The following CSNK1E variants were observed in gnomAD, a reference collection of about 807,000 sequenced individuals.
The protein encoded by CSNK1E is casein kinase I isoform epsilon.
A neutral mutation model predicts 46.1 loss-of-function variants in CSNK1E; 17 were observed. The observed-to-expected ratio is 0.37, with a 90% CI of 0.25 to 0.55. The LOEUF is 0.55. CSNK1E is among the 20% of genes least tolerant of loss of function. The probability of loss-of-function intolerance (pLI) is 0.82; values close to 1 mark genes in which losing one functional copy is unlikely to be tolerated. For missense variants in CSNK1E, 386 were observed against 595.4 expected, an observed-to-expected ratio of 0.65 and a Z score of 3.66; for synonymous variants, 241 against 242.6, an observed-to-expected ratio of 0.99 and a Z score of 0.06.
At chr22:38,315,917 C>G (rs1397136687) in intron 1 of CSNK1E, among the ~76,000 whole-genome samples, 1 of 152,066 alleles carries the variant, frequency 6.6e-6, no homozygotes, top group East Asian at 1.9e-4. Context: ...CCTTCAGGAC[C>G]CCCTGACTGC....
Position 38,291,174 on chromosome 22 carries a change from TA to T in CSNK1E, c.*796del, listed in dbSNP as rs981293816. The T allele has an allele frequency of 8.5e-4, 130 of 152,302 alleles. No individual in the cohort carries two copies. The highest frequency in any genetic ancestry group is 3.1e-3 in the African/African-American group (128 of 41,582). The allele number at this position is 152,302 out of a possible 1,614,324, so 9.4% of individuals were successfully genotyped here. A position where few individuals can be genotyped will look rare whatever the true frequency, so the allele number is the denominator to read the frequency against. On this transcript the variant is annotated 3_prime_UTR_variant, in exon 11 of 11. Coordinates refer to ENST00000396832, the MANE Select transcript of CSNK1E (RefSeq NM_152221.3). Reference sequence around the variant, plus strand: ...GAGCTGCCACCGGCTGATGACGGGCTAGGGGGGGACCGGTGGCAGCGAGGAC... The same window carrying T: ...GAGCTGCCACCGGCTGATGACGGGCTGGGGGGGACCGGTGGCAGCGAGGAC...
In CSNK1E at chr22:38,300,291, G is replaced by A. The variant is rs1352048537; in HGVS notation, c.566-226C>T. The stretch of plus-strand genomic sequence containing the variant: ...ATTTGGGCCTAGTTTTTCCAGTTCA[G>A]GCACTTAATCATTCAATGACTATGA... On this transcript the variant is annotated intron_variant, in intron 5 of 10. Transcript: ENST00000396832. The surrounding 1 kb of genome is among the most constrained non-coding windows in gnomAD (Gnocchi z 4.4). Among the ~76,000 whole-genome samples the A allele has an allele frequency of 1.3e-5, 2 of 152,210 alleles. No individual in the cohort carries two copies. The highest frequency in any genetic ancestry group is 2.9e-5 in the Non-Finnish European group (2 of 68,042).
At chr22:38,295,368 C>G in intron 7 of CSNK1E, 1 of 976,518 alleles carries the variant, frequency 1.0e-6, no homozygotes, top group Non-Finnish European at 1.2e-6. Flanking sequence ...TATGTGGGGG[C>G]AGCGCCCGAC....
rs1420989903 is a variant in CSNK1E at position 38,298,386 on chromosome 22, G to C, written c.885+400C>G. Among the ~76,000 whole-genome samples, 9 of 152,074 alleles carry C rather than the reference G, an allele frequency of 5.9e-5. No individual in the cohort carries two copies. Among genetic ancestry groups the C allele is most frequent in the Admixed American group, 5.9e-4 (9 of 15,272 alleles). ...AAGAAGAAAGCAAGCACCATGACTG[G>C]GTCCAGGCTGGCCCGAGGGGCCATG... is the stretch of plus-strand genomic sequence containing the variant. On this transcript the variant is annotated intron_variant, in intron 7 of 10. Transcript: ENST00000396832. The surrounding 1 kb of genome is among the most constrained non-coding windows in gnomAD (Gnocchi z 4.2).
intron 2 of CSNK1E, among the ~76,000 whole-genome samples, chr22:38,307,326 G>A (rs866346787): frequency 4.6e-5 from 7 of 152,116 alleles, no homozygotes; most frequent in East Asian, 1.9e-4. Flanking sequence ...TGAGGCAGGC[G>A]GATCACCAGG....
chr22:38,293,373 T>C (rs760447047), intron 9 of CSNK1E, 54 bp from the exon 10 acceptor site: 3 of 1,182,356 alleles, frequency 2.5e-6, no homozygotes, highest in Non-Finnish European at 3.7e-6. Flanking sequence ...AGGTACAAGC[T>C]TCAAGTCAAG....
chr22:38,306,908 T>C (rs2092701129), intron 2 of CSNK1E, among the ~76,000 whole-genome samples: 2 of 152,226 alleles, frequency 1.3e-5, no homozygotes, highest in South Asian at 4.1e-4. Context: ...GGTGCAGTGA[T>C]GCACAACTGT....
intron 7 of CSNK1E, chr22:38,296,385 A>G: frequency 7.1e-7 from 1 of 1,400,942 alleles, no homozygotes; most frequent in South Asian, 1.6e-5. Context: ...GGCCCCAGGG[A>G]TCCACAGATC....
chr22:38,299,778 G>T, intron 6 of CSNK1E, 117 bp downstream of exon 6: 1 of 1,186,340 alleles, frequency 8.4e-7, no homozygotes, highest in Non-Finnish European at 1.2e-6. Flanking sequence ...AAAGTGCCAG[G>T]ACTGCAGGCG....
At position 38,298,686 on chromosome 22, in the gene CSNK1E, C is replaced by A; in HGVS notation, c.885+100G>T. The A allele has an allele frequency of 7.2e-7, 1 of 1,385,806 alleles. No individual in the cohort carries two copies. Among genetic ancestry groups the A allele is most frequent in the Admixed American group, 1.7e-5 (1 of 58,394 alleles). 85.8% of individuals were successfully genotyped at this position (1,385,806 alleles called of 1,614,324 possible). A position where few individuals can be genotyped will look rare whatever the true frequency, so the allele number is the denominator to read the frequency against. On this transcript the variant is annotated intron_variant, in intron 7 of 10. Transcript: ENST00000396832. This position sits in a 1 kb window ranked among gnomAD's most constrained non-coding sequence, Gnocchi z 4.2. ...ACACTGTCCAGCTCGTACCTCCCGT[C>A]TGTCGGGAGCCCCTCCCGCCACCAG...
intron 1 of CSNK1E, among the ~76,000 whole-genome samples, chr22:38,316,241 A>G (rs1430579091): frequency 6.6e-6 from 1 of 152,176 alleles, no homozygotes; most frequent in African/African-American, 2.4e-5. Flanking sequence ...ACCATCGCCT[A>G]CCCCTGAGCC....
At chr22:38,297,654 C>G (rs995729703) in intron 7 of CSNK1E, 1 of 991,918 alleles carries the variant, frequency 1.0e-6, no homozygotes, top group Admixed American at 5.7e-5. Context: ...AGGCCGCCAA[C>G]GGGGTCTAGC....
At chr22:38,304,861 C>T (rs1029716035) in intron 2 of CSNK1E, among the ~76,000 whole-genome samples, 4 of 152,176 alleles carry the variant, frequency 2.6e-5, no homozygotes, top group African/African-American at 4.8e-5. Flanking sequence ...CAGTGGCTCA[C>T]GCCCGTAATC....
At chr22:38,296,109 GC>G in intron 7 of CSNK1E, 1 of 973,074 alleles carries the variant, frequency 1.0e-6, no homozygotes, top group Non-Finnish European at 1.2e-6. Context: ...CCCTTTGTGA[GC>G]CCAGCAGGCT....
chr22:38,294,047 C>T lies in CSNK1E; in HGVS notation c.1218+62G>A, dbSNP rs2092625971. On this transcript the variant is annotated intron_variant, in intron 9 of 10. Coordinates refer to ENST00000396832, the MANE Select transcript of CSNK1E (RefSeq NM_152221.3). This position sits in a 1 kb window ranked among gnomAD's most constrained non-coding sequence, Gnocchi z 5.5. ...GAAGAACAGAGCCACGGCCTGACCT[C>T]CCACTGGGGGGTCTCTAACTCAGTT... 14 of 1,566,468 alleles carry T rather than the reference C, an allele frequency of 8.9e-6. No homozygotes were observed. The Admixed American group carries it at 1.9e-4, about 22-fold the overall frequency.
rs189655789 is a variant in CSNK1E at position 38,301,278 on chromosome 22, C to T, written c.337-326G>A. 8.9e-4 allele frequency among the ~76,000 whole-genome samples: 136 copies of T among 152,258 alleles called. 1 individual carries two copies. Among genetic ancestry groups the T allele is most frequent in the African/African-American group, 2.6e-3 (107 of 41,540 alleles). ...GCTTGCCTGCCCGGCCCCACACTCACAGGACTTAGGGAGCCAGAGAGGCAA... is the reference window on the plus strand; with the variant it reads ...GCTTGCCTGCCCGGCCCCACACTCATAGGACTTAGGGAGCCAGAGAGGCAA... On this transcript the variant is annotated intron_variant, in intron 4 of 10. Transcript: ENST00000396832.
chr22:38,315,654 A>AC (rs144038868), intron 1 of CSNK1E, among the ~76,000 whole-genome samples: 127,014 of 144,384 alleles, frequency 0.88, 56,150 homozygotes, highest in East Asian at 0.94. Flanking sequence ...TGTGCACGCA[A>AC]CCCCCCCCCA....
intron 7 of CSNK1E, among the ~76,000 whole-genome samples, chr22:38,295,836 C>A (rs533948564): frequency 2.6e-5 from 4 of 152,356 alleles, no homozygotes; most frequent in Admixed American, 2.6e-4. Flanking sequence ...ACCACCGGGG[C>A]TCTAACTCCT....
At chr22:38,293,906 G>A (rs925997926) in intron 9 of CSNK1E, 1 of 628,782 alleles carries the variant, frequency 1.6e-6, no homozygotes, top group African/African-American at 1.8e-5. Flanking sequence ...ACTGCCCTGA[G>A]CCTTGGTGAA....
Sources: allele counts gnomAD v4.1 joint callset (sites outside exome capture counted in the v4.1 genomes callset), GRCh38; gene constraint gnomAD v4.1.1; non-coding constraint Gnocchi (gnomAD v3.1); transcripts MANE v1.5; gene names NCBI Gene and HGNC (gene_info 2026-07-23, HGNC 2026-07-21).